ARHGAP6: variants seen among roughly 807,000 people sequenced by gnomAD.
ARHGAP6 encodes the protein Rho GTPase activating protein 6.
ARHGAP6 carries 16 observed loss-of-function variants against 55.7 expected under a neutral mutation model. That is an observed-to-expected ratio of 0.29 (90% CI 0.19 to 0.44). The LOEUF (loss-of-function observed/expected upper bound fraction) is 0.44. Ranked by LOEUF, ARHGAP6 falls within the 20% of genes least tolerant of loss-of-function variation. The pLI is 1.00. For synonymous variants in ARHGAP6, 382 were observed against 360.9 expected, an observed-to-expected ratio of 1.06 and a Z score of -0.66; for missense variants, 698 against 808.9, an observed-to-expected ratio of 0.86 and a Z score of 1.66.
chrX:11,276,066 C>T (rs988850449), intron 1 of ARHGAP6, among the ~76,000 whole-genome samples: 2 of 111,449 alleles, frequency 1.8e-5, no homozygotes, highest in South Asian at 7.6e-4. Context: ...TCCAAATGAC[C>T]TAGACACTTG....
chrX:11,139,609 T>C, intron 12 of ARHGAP6, 79 bp from the exon 13 acceptor site: 1 of 1,016,544 alleles, frequency 9.8e-7, no homozygotes, highest in Non-Finnish European at 1.3e-6. Context: ...TGTTATTTCC[T>C]TCCCACTTCT....
At chrX:11,410,861 A>C (rs763533286) in intron 1 of ARHGAP6, among the ~76,000 whole-genome samples, 1 of 110,057 alleles carries the variant, frequency 9.1e-6, no homozygotes, top group South Asian at 3.9e-4. Context: ...CTTGATGAGC[A>C]AGAGAATTAT....
At chrX:11,442,737 C>T (rs992548180) in intron 1 of ARHGAP6, among the ~76,000 whole-genome samples, 6 of 111,735 alleles carry the variant, frequency 5.4e-5, no homozygotes, top group African/African-American at 2.0e-4. Context: ...GGAGCTGAGA[C>T]CACCTAGTCA....
In ARHGAP6 at chrX:11,461,312, G is replaced by A. The variant is rs764072634; in HGVS notation, c.588+202929C>T. 5.3e-5 allele frequency among the ~76,000 whole-genome samples: 6 copies of A among 112,208 alleles called. No homozygotes were observed. The South Asian group carries it at 1.9e-3, about 35-fold the overall frequency. ...TGTTCACGAAAGAGTAAGAAGCTCA[G>A]TGTGACAGTTGTGTGGTGACTAAGG... is the stretch of plus-strand genomic sequence containing the variant. On this transcript the variant is annotated intron_variant, in intron 1 of 12. Coordinates refer to ENST00000337414, the MANE Select transcript of ARHGAP6 (RefSeq NM_013427.3).
chrX:11,227,496 T>C (rs924596075), intron 2 of ARHGAP6, among the ~76,000 whole-genome samples: 1 of 111,792 alleles, frequency 8.9e-6, no homozygotes, highest in African/African-American at 3.3e-5. Flanking sequence ...TTCTGAGTTA[T>C]CTCTTCTCTT....
At chrX:11,233,348 C>G (rs932948622) in intron 2 of ARHGAP6, among the ~76,000 whole-genome samples, 6 of 111,773 alleles carry the variant, frequency 5.4e-5, no homozygotes, top group African/African-American at 1.9e-4. Flanking sequence ...TGATGTCCTG[C>G]TAATGCGCAT....
At chrX:11,417,232 A>G (rs1460811212) in intron 1 of ARHGAP6, among the ~76,000 whole-genome samples, 1 of 105,343 alleles carries the variant, frequency 9.5e-6, no homozygotes, top group Non-Finnish European at 1.9e-5. Flanking sequence ...ATCAATGGAG[A>G]CAGGAATGTT....
At chrX:11,194,865 C>G (rs1156967929) in intron 3 of ARHGAP6, among the ~76,000 whole-genome samples, 1 of 111,696 alleles carries the variant, frequency 9.0e-6, no homozygotes, top group Non-Finnish European at 1.9e-5. Flanking sequence ...CAATACTGAT[C>G]CCAATGCATG....
intron 1 of ARHGAP6, among the ~76,000 whole-genome samples, chrX:11,471,890 G>A (rs1279522113): frequency 9.0e-6 from 1 of 111,276 alleles, no homozygotes; most frequent in Admixed American, 9.6e-5. Context: ...GCTAGGAAAG[G>A]ACAGATCCAG....
At chrX:11,546,492 C>T (rs2051212858) in intron 1 of ARHGAP6, among the ~76,000 whole-genome samples, 2 of 111,966 alleles carry the variant, frequency 1.8e-5, no homozygotes, top group Admixed American at 9.5e-5. Flanking sequence ...TAAAGATGTA[C>T]ATTTGGAAAC....
chrX:11,589,939 C>A (rs1330993828), intron 1 of ARHGAP6, among the ~76,000 whole-genome samples: 1 of 111,935 alleles, frequency 8.9e-6, no homozygotes, highest in Admixed American at 9.5e-5. Flanking sequence ...AATTATACAG[C>A]CTTTGATGGG....
intron 1 of ARHGAP6, among the ~76,000 whole-genome samples, chrX:11,299,579 A>G (rs1490588520): frequency 2.7e-5 from 3 of 112,389 alleles, no homozygotes; most frequent in Non-Finnish European, 5.6e-5. Flanking sequence ...AGTTACTGCA[A>G]TTTAGCACTA....
At chrX:11,540,031 G>T (rs755017651) in intron 1 of ARHGAP6, among the ~76,000 whole-genome samples, 1 of 110,189 alleles carries the variant, frequency 9.1e-6, no homozygotes, top group Non-Finnish European at 1.9e-5. Context: ...CGAGGTAGGC[G>T]GATCATGAGG....
chrX:11,347,564 C>T (rs1430988933), intron 1 of ARHGAP6, among the ~76,000 whole-genome samples: 1 of 112,216 alleles, frequency 8.9e-6, no homozygotes, highest in Non-Finnish European at 1.9e-5. Flanking sequence ...GCATCCACTG[C>T]AGTTCAATCT....
chrX:11,592,155 G>C (rs1214356970), intron 1 of ARHGAP6, among the ~76,000 whole-genome samples: 1 of 112,111 alleles, frequency 8.9e-6, no homozygotes, highest in Non-Finnish European at 1.9e-5. Flanking sequence ...TCCTGCAGAG[G>C]AGGAAGATGG....
At chrX:11,179,506 A>G in intron 6 of ARHGAP6, 54 bp from the exon 7 acceptor site, 4 of 1,153,267 alleles carry the variant, frequency 3.5e-6, no homozygotes, top group Non-Finnish European at 4.6e-6. Flanking sequence ...CTCAATGAGC[A>G]GTGCCCAGCA....
intron 9 of ARHGAP6, among the ~76,000 whole-genome samples, chrX:11,164,129 T>G (rs1028379872): frequency 1.8e-5 from 2 of 112,609 alleles, no homozygotes; most frequent in Non-Finnish European, 3.8e-5. Context: ...AAGGTCTTCA[T>G]TCCTCATTTC....
intron 2 of ARHGAP6, among the ~76,000 whole-genome samples, chrX:11,241,703 A>G (rs2047285094): frequency 9.0e-6 from 1 of 111,432 alleles, no homozygotes; most frequent in Non-Finnish European, 1.9e-5. Flanking sequence ...ATTGAAATAG[A>G]CAAAGGCAGA....
intron 2 of ARHGAP6, among the ~76,000 whole-genome samples, chrX:11,228,069 C>T (rs919777819): frequency 9.0e-6 from 1 of 111,546 alleles, no homozygotes; most frequent in South Asian, 3.8e-4. Flanking sequence ...ATGTTTCATA[C>T]GTAGTTATGT....
Sources: gnomAD v4.1 joint callset for allele counts (sites outside exome capture counted in the v4.1 genomes callset) on GRCh38, gnomAD v4.1.1 for gene constraint, MANE v1.5 for transcripts, NCBI Gene and HGNC (gene_info 2026-07-23, HGNC 2026-07-21) for gene names.